PRMT5: variants seen among roughly 807,000 people sequenced by gnomAD.
PRMT5 encodes the protein protein arginine methyltransferase 5.
A neutral mutation model predicts 84.0 loss-of-function variants in PRMT5; 15 were observed. The observed-to-expected ratio is 0.18, with a 90% CI of 0.12 to 0.28. The LOEUF (loss-of-function observed/expected upper bound fraction) is 0.28. Ranked by LOEUF, PRMT5 falls within the 10% of genes least tolerant of loss-of-function variation. The probability of loss-of-function intolerance (pLI) is 1.00; values close to 1 mark genes in which losing one functional copy is unlikely to be tolerated. For missense variants in PRMT5, 486 were observed against 808.0 expected, an observed-to-expected ratio of 0.60 and a Z score of 4.83; for synonymous variants, 276 against 292.4, an observed-to-expected ratio of 0.94 and a Z score of 0.57.
At chr14:22,922,053 A>G (rs2044311296) in intron 16 of PRMT5, 123 bp downstream of exon 16, 1 of 906,796 alleles carries the variant, frequency 1.1e-6, no homozygotes, top group East Asian at 2.4e-5. Flanking sequence ...ACTGGGATCC[A>G]AGAGCATATG....
chr14:22,922,550 A>G lies in PRMT5; in HGVS notation c.1589T>C (p.Ile530Thr). The change falls in exon 15 of 17, where the codon ATT (isoleucine) becomes ACT (threonine). Residue 530 changes from isoleucine to threonine, a missense_variant. Coordinates refer to ENST00000324366, the MANE Select transcript of PRMT5 (RefSeq NM_006109.5). ...CAAGGTGCAATAGCGGTTGTTGTCA[A>G]TCATAGGATCTGTCAGGAAATAATT... ...TFSHPNRDPM[I>T]DNNRYCTLEF... The G allele has an allele frequency of 3.7e-6, 6 of 1,612,332 alleles. No homozygotes were observed. Among genetic ancestry groups the G allele is most frequent in the Non-Finnish European group, 5.1e-6 (6 of 1,178,370 alleles).
chr14:22,921,925 C>G (rs1160391279), intron 16 of PRMT5, among the ~76,000 whole-genome samples: 2 of 146,822 alleles, frequency 1.4e-5, no homozygotes, highest in African/African-American at 5.0e-5. Flanking sequence ...GAGATAAGAT[C>G]AAATTTGAGT....
chr14:22,924,543 G>A lies in PRMT5; in HGVS notation c.1018-6C>T. ...AGCAGACATTTATAGATGGCCTGGA[G>A]GGAGGAGAGAATATCCCATGGTTGT... On this transcript the variant is annotated splice_region_variant and splice_polypyrimidine_tract_variant and intron_variant, in intron 9 of 16. Coordinates refer to ENST00000324366, the MANE Select transcript of PRMT5 (RefSeq NM_006109.5). This position sits in a 1 kb window ranked among gnomAD's most constrained non-coding sequence, Gnocchi z 6.5. 3 of 1,613,928 alleles carry A rather than the reference G, an allele frequency of 1.9e-6. No individual in the cohort carries two copies. Among genetic ancestry groups the A allele is most frequent in the East Asian group, 4.5e-5 (2 of 44,872 alleles).
intron 14 of PRMT5, 40 bp downstream of exon 14, chr14:22,922,702 C>T (rs764924063): frequency 1.7e-5 from 27 of 1,587,616 alleles, no homozygotes; most frequent in African/African-American, 2.7e-5. Context: ...GGAAGAAGCC[C>T]GTACCCCTCT....
At position 22,924,213 on chromosome 14, in the gene PRMT5, A is replaced by C; in HGVS notation, c.1200-30T>G. 6.2e-7 allele frequency: 1 copy of C among 1,611,430 alleles called. No homozygotes were observed. Among genetic ancestry groups the C allele is most frequent in the East Asian group, 2.2e-5 (1 of 44,834 alleles). ...AACAGAGACAATAAGGTAAGGAGAG[A>C]TGTTAAGGAAATTTGGCAATGAGGA... On this transcript the variant is annotated intron_variant, in intron 11 of 16. Transcript: ENST00000324366. The surrounding 1 kb of genome is among the most constrained non-coding windows in gnomAD (Gnocchi z 6.5).
At chr14:22,921,986 A>G (rs1349472395) in intron 16 of PRMT5, 190 bp downstream of exon 16, 2 of 610,788 alleles carry the variant, frequency 3.3e-6, no homozygotes, top group Admixed American at 3.0e-5. Flanking sequence ...AAGAGTAGCC[A>G]GAGTAGATGC....
In PRMT5 at chr14:22,928,027, T is replaced by C; in HGVS notation, c.315+99A>G. 9.3e-7 allele frequency: 1 copy of C among 1,070,808 alleles called. No individual in the cohort carries two copies. Among genetic ancestry groups the C allele is most frequent in the South Asian group, 1.5e-5 (1 of 67,502 alleles). The allele number at this position is 1,070,808 out of a possible 1,614,324, so 66.3% of individuals were successfully genotyped here. A position where few individuals can be genotyped will look rare whatever the true frequency, so the allele number is the denominator to read the frequency against. On this transcript the variant is annotated intron_variant, in intron 3 of 16. Transcript: ENST00000324366. The surrounding 1 kb of genome is among the most constrained non-coding windows in gnomAD (Gnocchi z 4.8). The stretch of plus-strand genomic sequence containing the variant: ...CCCAGCCTAATAGCTTTAATTTCAT[T>C]CTATCAGTTAATTTACCAAGTTATT...
In PRMT5 at chr14:22,928,732, C is replaced by T; in HGVS notation, c.111-117G>A. The T allele has an allele frequency of 1.2e-6, 1 of 856,640 alleles. No homozygotes were observed. The highest frequency in any genetic ancestry group is 2.0e-6 in the Non-Finnish European group (1 of 505,462). 53.1% of individuals were successfully genotyped at this position (856,640 alleles called of 1,614,324 possible). A position where few individuals can be genotyped will look rare whatever the true frequency, so the allele number is the denominator to read the frequency against. ...CCCTTTCAGCTGCCATCAGTTCAGC[C>T]TACTAGGCTGCTGAGTTCAGACCAC... On this transcript the variant is annotated intron_variant, in intron 1 of 16. Transcript: ENST00000324366. This position sits in a 1 kb window ranked among gnomAD's most constrained non-coding sequence, Gnocchi z 4.8.
chr14:22,928,882 G>C lies in PRMT5; in HGVS notation c.111-267C>G, dbSNP rs2139256479. The C allele has an allele frequency of 1.7e-6, 1 of 598,302 alleles. No individual in the cohort carries two copies. The highest frequency in any genetic ancestry group is 3.0e-6 in the Non-Finnish European group (1 of 336,768). The allele number at this position is 598,302 out of a possible 1,614,324, so 37.1% of individuals were successfully genotyped here. A position where few individuals can be genotyped will look rare whatever the true frequency, so the allele number is the denominator to read the frequency against. The stretch of plus-strand genomic sequence containing the variant: ...AGAATTTTTTTCTCCTCAGGTGTCA[G>C]TATGTTTCCAAGACCATCACATCCA... On this transcript the variant is annotated intron_variant, in intron 1 of 16. Transcript: ENST00000324366. This position sits in a 1 kb window ranked among gnomAD's most constrained non-coding sequence, Gnocchi z 4.8.
At position 22,926,757 on chromosome 14, in the gene PRMT5, T is replaced by C; in HGVS notation, c.508A>G (p.Asn170Asp). The C allele has an allele frequency of 1.9e-6, 3 of 1,614,122 alleles. No homozygotes were observed. ...TCCTCTGTGTGTGTAGTTGGTGCATTCTCAATTATATCATCTCTCAGGTCC... is the reference window on the plus strand; with the variant it reads ...TCCTCTGTGTGTGTAGTTGGTGCATCCTCAATTATATCATCTCTCAGGTCC... The part of the protein sequence containing the change: ...PEDLRDDIIE[N>D]APTTHTEEYS... Residue 170 changes from asparagine to aspartate, a missense_variant, in exon 5 of 17, where the codon AAT becomes GAT. Physicochemically the swap from Asn to Asp is conservative, Grantham distance 23. Transcript: ENST00000324366.
chr14:22,923,929 C>T lies in PRMT5; in HGVS notation c.1375+79G>A, dbSNP rs2044359980. ...ATGTGACCCAGGTCCAACCCACTTT[C>T]CCCTAAACCCTGTACCCTCCTCCCA... is the stretch of plus-strand genomic sequence containing the variant. On this transcript the variant is annotated intron_variant, in intron 12 of 16. Transcript: ENST00000324366. This position sits in a 1 kb window ranked among gnomAD's most constrained non-coding sequence, Gnocchi z 5.2. 6 of 1,479,556 alleles carry T rather than the reference C, an allele frequency of 4.1e-6. No individual in the cohort carries two copies. Among genetic ancestry groups the T allele is most frequent in the Middle Eastern group, 2.5e-4 (1 of 3,924 alleles). The allele number at this position is 1,479,556 out of a possible 1,614,324, so 91.7% of individuals were successfully genotyped here. A position where few individuals can be genotyped will look rare whatever the true frequency, so the allele number is the denominator to read the frequency against.
At position 22,922,739 on chromosome 14, in the gene PRMT5, T is replaced by C. The variant is rs1194531732; in HGVS notation, c.1579+3A>G. 2 of 1,613,514 alleles carry C rather than the reference T, an allele frequency of 1.2e-6. No individual in the cohort carries two copies. Among genetic ancestry groups the C allele is most frequent in the South Asian group, 2.2e-5 (2 of 91,060 alleles). ...GTCAGAGGACAGCCATAAAAGAACC[T>C]ACCTCTGTTGGGATGGCTGAAGGTG... On this transcript the variant is annotated splice_donor_region_variant and intron_variant, in intron 14 of 16. Coordinates refer to ENST00000324366, the MANE Select transcript of PRMT5 (RefSeq NM_006109.5).
Position 22,928,033 on chromosome 14 carries a change from A to G in PRMT5, c.315+93T>C. On this transcript the variant is annotated intron_variant, in intron 3 of 16. Transcript: ENST00000324366. The surrounding 1 kb of genome is among the most constrained non-coding windows in gnomAD (Gnocchi z 4.8). Reference sequence around the variant, plus strand: ...CTAATAGCTTTAATTTCATTCTATCAGTTAATTTACCAAGTTATTGGGGAT... The same window carrying G: ...CTAATAGCTTTAATTTCATTCTATCGGTTAATTTACCAAGTTATTGGGGAT... 9.1e-7 allele frequency: 1 copy of G among 1,103,686 alleles called. No homozygotes were observed. Among genetic ancestry groups the G allele is most frequent in the Non-Finnish European group, 1.3e-6 (1 of 747,974 alleles). The allele number at this position is 1,103,686 out of a possible 1,614,324, so 68.4% of individuals were successfully genotyped here.
Position 22,924,379 on chromosome 14 carries a change from G to A in PRMT5, c.1090C>T (p.Leu364=). ...KDTNVQVLMV[L]GAGRGPLVNA... is the part of the protein sequence containing the mutation. Reference sequence around the variant, plus strand: ...ACCAGGGGTCCCCGTCCTGCTCCCAGCACCATCAGTACCCTAAGAAAGAAA... The same window carrying A: ...ACCAGGGGTCCCCGTCCTGCTCCCAACACCATCAGTACCCTAAGAAAGAAA... The change falls in exon 11 of 17, where the codon CTG becomes TTG. Residue 364 remains leucine (L), a synonymous_variant. Transcript: ENST00000324366. This position sits in a 1 kb window ranked among gnomAD's most constrained non-coding sequence, Gnocchi z 6.5. 2 of 1,614,058 alleles carry A rather than the reference G, an allele frequency of 1.2e-6. No individual in the cohort carries two copies. The highest frequency in any genetic ancestry group is 1.1e-5 in the South Asian group (1 of 91,080).
At chr14:22,925,166 TAAAA>T (rs147925144) in intron 7 of PRMT5, 126 bp from the exon 8 acceptor site, 28 of 822,262 alleles carry the variant, frequency 3.4e-5, no homozygotes, top group Middle Eastern at 3.9e-4. Context: ...TTTTTTTTTT[TAAAA>T]AAAAAGATGG....
At position 22,928,079 on chromosome 14, in the gene PRMT5, AC is replaced by A; in HGVS notation, c.315+46del. On this transcript the variant is annotated intron_variant, in intron 3 of 16. Transcript: ENST00000324366. This position sits in a 1 kb window ranked among gnomAD's most constrained non-coding sequence, Gnocchi z 4.8. ...GGGATGGGAGGGGACCACTCTCCCC[AC>A]CCAGCTTGGTTAGAAAAATCCAGCA... The A allele has an allele frequency of 6.6e-7, 1 of 1,525,988 alleles. No homozygotes were observed. Among genetic ancestry groups the A allele is most frequent in the Non-Finnish European group, 9.0e-7 (1 of 1,107,192 alleles). 94.5% of individuals were successfully genotyped at this position (1,525,988 alleles called of 1,614,324 possible).
In PRMT5 at chr14:22,924,619, C is replaced by T. The variant is rs1566632930; in HGVS notation, c.1017+13G>A. 6.2e-7 allele frequency: 1 copy of T among 1,613,682 alleles called. No homozygotes were observed. Among genetic ancestry groups the T allele is most frequent in the Non-Finnish European group, 8.5e-7 (1 of 1,179,632 alleles). On this transcript the variant is annotated intron_variant, in intron 9 of 16. Transcript: ENST00000324366. This position sits in a 1 kb window ranked among gnomAD's most constrained non-coding sequence, Gnocchi z 6.5. Reference sequence around the variant, plus strand: ...GGCCCTGTGCTTTCCTCACCCTGGGCACCACACAGTACCTGCTGGTACTGA... The same window carrying T: ...GGCCCTGTGCTTTCCTCACCCTGGGTACCACACAGTACCTGCTGGTACTGA...
chr14:22,926,603 C>A (rs756234541), intron 5 of PRMT5, 48 bp from the exon 6 acceptor site: 5 of 1,610,052 alleles, frequency 3.1e-6, no homozygotes, highest in Middle Eastern at 1.6e-4. Flanking sequence ...TATGGCCGAC[C>A]AATCACCACA....
chr14:22,925,084 A>G (rs1362729486), intron 7 of PRMT5, 44 bp from the exon 8 acceptor site: 2 of 1,600,838 alleles, frequency 1.2e-6, no homozygotes, highest in Non-Finnish European at 1.7e-6. Flanking sequence ...TCAAACCAAG[A>G]TTCTGGAATA....
Sources: gnomAD v4.1 joint callset for allele counts (sites outside exome capture counted in the v4.1 genomes callset) on GRCh38, gnomAD v4.1.1 for gene constraint, Gnocchi (gnomAD v3.1) non-coding constraint, MANE v1.5 for transcripts, NCBI Gene and HGNC (gene_info 2026-07-23, HGNC 2026-07-21) for gene names.